The following FAM228B variants were observed in gnomAD, a reference collection of about 807,000 sequenced individuals.
The protein encoded by FAM228B is family with sequence similarity 228 member B, also known as protein FAM228B.
FAM228B carries 38 observed loss-of-function variants against 42.6 expected under a neutral mutation model. That is an observed-to-expected ratio of 0.89 (90% CI 0.69 to 1.17). The LOEUF (loss-of-function observed/expected upper bound fraction) is 1.17. Ranked by LOEUF, FAM228B falls within the 50% of genes most tolerant of loss-of-function variation. The pLI is 0.00. For synonymous variants in FAM228B, 109 were observed against 122.3 expected (o/e 0.89, Z 0.72); for missense variants, 344 against 367.3 (o/e 0.94, Z 0.52).
Position 24,084,746 on chromosome 2 carries a change from C to T in FAM228B, c.-210+3791C>T, listed in dbSNP as rs1366160517. On this transcript the variant is annotated intron_variant, in intron 2 of 10. Transcript: ENST00000613899. The surrounding 1 kb of genome is among the most constrained non-coding windows in gnomAD (Gnocchi z 8.4). Reference sequence around the variant, plus strand: ...AGTTACTTACTCCTGGCCCGGCTCCCCTCCCATGCACCAGGCGGCGCCGAG... The same window carrying T: ...AGTTACTTACTCCTGGCCCGGCTCCTCTCCCATGCACCAGGCGGCGCCGAG... The T allele has an allele frequency of 6.3e-6, 1 of 159,530 alleles. No homozygotes were observed. The highest frequency in any genetic ancestry group is 2.4e-5 in the African/African-American group (1 of 41,652). The allele number at this position is 159,530 out of a possible 1,614,324, so 9.9% of individuals were successfully genotyped here. A position where few individuals can be genotyped will look rare whatever the true frequency, so the allele number is the denominator to read the frequency against.
At chr2:24,147,801 C>A (rs1167216828) in intron 7 of FAM228B, among the ~76,000 whole-genome samples, 2 of 151,922 alleles carry the variant, frequency 1.3e-5, no homozygotes, top group South Asian at 2.1e-4. Flanking sequence ...CCACTAGATT[C>A]TTTACCATAT....
At chr2:24,087,692 C>A (rs1458037942) in intron 2 of FAM228B, among the ~76,000 whole-genome samples, 1 of 151,922 alleles carries the variant, frequency 6.6e-6, no homozygotes, top group Non-Finnish European at 1.5e-5. Flanking sequence ...TTCACTGCAA[C>A]CTCCACCTCC....
chr2:24,166,003 C>G (rs1667393967), intron 9 of FAM228B: 1 of 140,588 alleles, frequency 7.1e-6, no homozygotes, highest in African/African-American at 2.6e-5. Context: ...GATCACGCCA[C>G]TGCACTCCAG....
chr2:24,092,821 A>T (rs1410296946), intron 2 of FAM228B, among the ~76,000 whole-genome samples: 2 of 152,178 alleles, frequency 1.3e-5, no homozygotes, highest in Non-Finnish European at 2.9e-5. Flanking sequence ...CTAGAGCTAT[A>T]GCAGTTGACA....
chr2:24,079,942 A>G (rs989104041), intron 1 of FAM228B, among the ~76,000 whole-genome samples: 1 of 152,188 alleles, frequency 6.6e-6, no homozygotes, highest in South Asian at 2.1e-4. Flanking sequence ...CACGATTGAG[A>G]ACAGAATACA....
intron 2 of FAM228B, chr2:24,083,292 G>T (rs1219518170): frequency 1.8e-6 from 2 of 1,095,224 alleles, no homozygotes; most frequent in East Asian, 2.5e-5. Flanking sequence ...TAAGTAAGGA[G>T]AAGAAAAAGG....
In FAM228B at chr2:24,084,195, T is replaced by C. The variant is rs1052285904; in HGVS notation, c.-210+3240T>C. The C allele has an allele frequency of 6.2e-7, 1 of 1,612,252 alleles. No individual in the cohort carries two copies. Among genetic ancestry groups the C allele is most frequent in the Non-Finnish European group, 8.5e-7 (1 of 1,179,492 alleles). On this transcript the variant is annotated intron_variant, in intron 2 of 10. Transcript: ENST00000613899. The surrounding 1 kb of genome is among the most constrained non-coding windows in gnomAD (Gnocchi z 8.4). ...GCGGCTGAGCCCTGGGTACCTGCAT[T>C]AAGTCCGCCCGGTTCAGGGCGCTGG...
At chr2:24,115,256 T>C (rs1428402663) in intron 3 of FAM228B, 2 of 268,692 alleles carry the variant, frequency 7.4e-6, no homozygotes, top group Non-Finnish European at 1.4e-5. Flanking sequence ...TAAAGAGTGG[T>C]GAGAGCCTTG....
At chr2:24,122,097 C>T (rs1666135651), upstream of FAM228B, among the ~76,000 whole-genome samples, 4 of 152,090 alleles carry the variant, frequency 2.6e-5, no homozygotes, top group South Asian at 8.3e-4. Context: ...TTTGGGAGGC[C>T]GAGGCAGGTG....
intron 2 of FAM228B, among the ~76,000 whole-genome samples, chr2:24,090,210 G>C (rs1665358733): frequency 6.6e-6 from 1 of 152,106 alleles, no homozygotes; most frequent in South Asian, 2.1e-4. Context: ...GGAGCTTGCA[G>C]TGAGCCGAGA....
intron 1 of FAM228B, among the ~76,000 whole-genome samples, 179 bp downstream of exon 1, chr2:24,123,712 C>G (rs1353519614): frequency 1.3e-5 from 2 of 151,506 alleles, no homozygotes; most frequent in Non-Finnish European, 2.9e-5. Flanking sequence ...CCAGGCCGGG[C>G]GGTCCCCGCG....
chr2:24,155,349 G>T (rs747801376), intron 7 of FAM228B, among the ~76,000 whole-genome samples: 37 of 151,148 alleles, frequency 2.4e-4, no homozygotes, highest in Non-Finnish European at 5.3e-4. Context: ...GTCCTTTTTA[G>T]ATGATTGTCA....
In FAM228B at chr2:24,077,425, T is replaced by C; in HGVS notation, c.-290+456T>C. 6 of 932,292 alleles carry C rather than the reference T, an allele frequency of 6.4e-6. No individual in the cohort carries two copies. The highest frequency in any genetic ancestry group is 8.9e-6 in the Non-Finnish European group (6 of 672,388). 57.8% of individuals were successfully genotyped at this position (932,292 alleles called of 1,614,324 possible). On this transcript the variant is annotated intron_variant, in intron 1 of 10. Coordinates refer to the FAM228B transcript ENST00000613899. The surrounding 1 kb of genome is among the most constrained non-coding windows in gnomAD (Gnocchi z 5.5). ...CCCGCCGCGGCGGCCCCAGTCCGCG[T>C]GCCACCCTTCCAGTTCACTCTTTAT...
At chr2:24,124,130 A>G in intron 1 of FAM228B, 200 bp from the exon 2 acceptor site, 1 of 382,582 alleles carries the variant, frequency 2.6e-6, no homozygotes. Flanking sequence ...GATTCTTTCA[A>G]AGAGCATCTC....
At chr2:24,155,529 ATATTTTTTT>A (rs1462082315) in intron 7 of FAM228B, among the ~76,000 whole-genome samples, 531 of 12,434 alleles carry the variant, frequency 0.043, 1 homozygote, top group Non-Finnish European at 0.072. Context: ...ATATATATAT[ATATTTTTTT>A]TTTTTTTTTT....
chr2:24,132,464 GTTTTTTTTTTT>G (rs548264853), intron 2 of FAM228B, among the ~76,000 whole-genome samples: 13 of 56,008 alleles, frequency 2.3e-4, no homozygotes, highest in Admixed American at 6.3e-4. Context: ...TCCTGGGATT[GTTTTTTTTTTT>G]TTTTTTTTTT....
intron 1 of FAM228B, chr2:24,079,646 A>C (rs376166419): frequency 3.7e-6 from 6 of 1,612,532 alleles, no homozygotes; most frequent in Non-Finnish European, 5.1e-6. Context: ...AGCACCTTCC[A>C]TAGGAAACAG....
upstream of FAM228B, chr2:24,119,712 CT>C: frequency 6.5e-7 from 1 of 1,534,930 alleles, no homozygotes; most frequent in Non-Finnish European, 9.0e-7. Flanking sequence ...GAATATTCTG[CT>C]CTTGGTTCTA....
At chr2:24,118,640 G>A (rs144725521), upstream of FAM228B, among the ~76,000 whole-genome samples, 218 of 152,326 alleles carry the variant, frequency 1.4e-3, 3 homozygotes, top group African/African-American at 3.7e-3. Context: ...ATCTGACTTG[G>A]TTCTTTAATG....
Sources: allele counts gnomAD v4.1 joint callset (sites outside exome capture counted in the v4.1 genomes callset), GRCh38; gene constraint gnomAD v4.1.1; non-coding constraint Gnocchi (gnomAD v3.1); transcripts MANE v1.5; gene names NCBI Gene and HGNC (gene_info 2026-07-23, HGNC 2026-07-21).